Variants in SYNRG observed in about 807,000 individuals in gnomAD.
SYNRG encodes the protein AP1 gamma subunit binding protein 1.
Under a neutral mutation model 130.9 loss-of-function variants are expected in SYNRG, and 37 were observed. The observed-to-expected ratio is 0.28, with a 90% CI of 0.22 to 0.37. SYNRG has a LOEUF of 0.37. Among genes scored for constraint, SYNRG ranks in the 10% least tolerant of loss-of-function variants. The probability of loss-of-function intolerance (pLI) is 1.00; values close to 1 mark genes in which losing one functional copy is unlikely to be tolerated. For synonymous variants in SYNRG, 539 were observed against 568.1 expected, an observed-to-expected ratio of 0.95 and a Z score of 0.73; for missense variants, 1,338 against 1,588.9, an observed-to-expected ratio of 0.84 and a Z score of 2.68.
intron 18 of SYNRG, among the ~76,000 whole-genome samples, chr17:37,537,814 GA>G (rs1568305854): frequency 6.6e-6 from 1 of 152,186 alleles, no homozygotes; most frequent in Non-Finnish European, 1.5e-5. Context: ...GTAAAGATTT[GA>G]AAAAGATTAG....
At chr17:37,608,075 T>TA (rs1396945134) in intron 1 of SYNRG, among the ~76,000 whole-genome samples, 2 of 151,964 alleles carry the variant, frequency 1.3e-5, no homozygotes, top group Non-Finnish European at 2.9e-5. Context: ...ATTTATTTTT[T>TA]AAAAAACCCT....
chr17:37,525,018 C>T (rs894016910), intron 19 of SYNRG, among the ~76,000 whole-genome samples: 2 of 152,150 alleles, frequency 1.3e-5, no homozygotes, highest in African/African-American at 2.4e-5. Context: ...ATACTGTAAT[C>T]GCCAATGAAA....
chr17:37,609,374 C>G lies in SYNRG; in HGVS notation c.-19G>C. ...GCGCCATCTTGCTCCCGACCTGCCG[C>G]TGCCTTCGCCGCCGCCACCTTATCA... On this transcript the variant is annotated 5_prime_UTR_variant, in exon 1 of 22. Transcript: ENST00000612223. 7.1e-7 allele frequency: 1 copy of G among 1,411,678 alleles called. No individual in the cohort carries two copies. The highest frequency in any genetic ancestry group is 1.5e-5 in the South Asian group (1 of 68,100). 87.4% of individuals were successfully genotyped at this position (1,411,678 alleles called of 1,614,324 possible).
intron 11 of SYNRG, among the ~76,000 whole-genome samples, chr17:37,566,497 C>A (rs540745391): frequency 6.8e-6 from 1 of 146,710 alleles, no homozygotes; most frequent in South Asian, 2.3e-4. Context: ...ACAAACACTG[C>A]GGAAGGCCGC....
At chr17:37,609,185 AG>A in intron 1 of SYNRG, 93 bp downstream of exon 1, 1 of 1,261,542 alleles carries the variant, frequency 7.9e-7, no homozygotes. Context: ...TCCAAGGAAA[AG>A]GATCAGGGCT....
chr17:37,609,318 C>G lies in SYNRG; in HGVS notation c.38G>C (p.Gly13Ala). ...GGACCCCGCGCCAGCTCCCGCGGCC[C>G]CGCCGCCACCAGAACCAGCTCCTGG... ...LRPGAGSGGG[G>A]AAGAGAGSAG... The change falls in exon 1 of 22, where the codon GGG becomes GCG. Residue 13 changes from glycine (G) to alanine (A), a missense_variant. Coordinates refer to ENST00000612223, the MANE Select transcript of SYNRG (RefSeq NM_007247.6). The G allele has an allele frequency of 1.4e-6, 2 of 1,468,436 alleles. No individual in the cohort carries two copies. Among genetic ancestry groups the G allele is most frequent in the Non-Finnish European group, 1.8e-6 (2 of 1,116,452 alleles). 91.0% of individuals were successfully genotyped at this position (1,468,436 alleles called of 1,614,324 possible). A position where few individuals can be genotyped will look rare whatever the true frequency, so the allele number is the denominator to read the frequency against.
chr17:37,525,420 A>AT (rs2055718401), intron 19 of SYNRG, among the ~76,000 whole-genome samples: 1 of 152,248 alleles, frequency 6.6e-6, no homozygotes, highest in African/African-American at 2.4e-5. Context: ...TTTGGTAGTA[A>AT]TTAGTGTTCT....
At chr17:37,577,171 C>T (rs190493196) in intron 7 of SYNRG, among the ~76,000 whole-genome samples, 41 of 152,140 alleles carry the variant, frequency 2.7e-4, no homozygotes, top group Admixed American at 2.5e-3. Context: ...TTATCAAAAT[C>T]ATTTTTAAAA....
At chr17:37,540,982 A>C in intron 15 of SYNRG, 1 of 987,432 alleles carries the variant, frequency 1.0e-6, no homozygotes, top group Non-Finnish European at 1.2e-6. Flanking sequence ...TCACAAACAC[A>C]TTCCTCATTC....
intron 9 of SYNRG, 131 bp downstream of exon 9, chr17:37,571,660 G>T: frequency 1.3e-6 from 1 of 764,636 alleles, no homozygotes; most frequent in Non-Finnish European, 2.0e-6. Flanking sequence ...CTACATTTTT[G>T]AAGTACTATA....
chr17:37,599,509 C>T (rs781712323), intron 2 of SYNRG, among the ~76,000 whole-genome samples: 2 of 152,120 alleles, frequency 1.3e-5, no homozygotes, highest in African/African-American at 2.4e-5. Context: ...TCGCTTAAGC[C>T]GAGGAATTTG....
chr17:37,555,379 G>A (rs1238324489), intron 13 of SYNRG, among the ~76,000 whole-genome samples: 2 of 152,086 alleles, frequency 1.3e-5, no homozygotes, highest in African/African-American at 4.8e-5. Flanking sequence ...CACCTGCCTC[G>A]GCCTCCCAAA....
intron 13 of SYNRG, among the ~76,000 whole-genome samples, chr17:37,558,674 G>C (rs1219118820): frequency 1.3e-5 from 2 of 152,180 alleles, no homozygotes; most frequent in African/African-American, 4.8e-5. Flanking sequence ...ATCTTGTAAA[G>C]TGGTGATTGA....
In SYNRG at chr17:37,591,554, G is replaced by A. The variant is rs561765527; in HGVS notation, c.240+4669C>T. On this transcript the variant is annotated intron_variant, in intron 3 of 21. Transcript: ENST00000612223. ...GAATGTAGGAGGAATCAACCTTATCGTATAGCTACCGTCATGAAGACTGTG... is the reference window on the plus strand; with the variant it reads ...GAATGTAGGAGGAATCAACCTTATCATATAGCTACCGTCATGAAGACTGTG... Among the ~76,000 whole-genome samples the A allele has an allele frequency of 9.2e-5, 14 of 152,286 alleles. 1 individual carries two copies. In the East Asian group the frequency reaches 2.7e-3, roughly 29 times the overall value.
chr17:37,545,346 A>T (rs1598242993), intron 14 of SYNRG, among the ~76,000 whole-genome samples: 1 of 152,280 alleles, frequency 6.6e-6, no homozygotes, highest in South Asian at 2.1e-4. Context: ...CAGTAAGCCA[A>T]GATGGCACCA....
At chr17:37,607,814 G>A (rs1016262428) in intron 1 of SYNRG, among the ~76,000 whole-genome samples, 5 of 151,840 alleles carry the variant, frequency 3.3e-5, no homozygotes, top group African/African-American at 1.2e-4. Context: ...AAAATTAGCC[G>A]GGCATGGTGG....
At chr17:37,554,534 A>G (rs1353611516) in intron 13 of SYNRG, among the ~76,000 whole-genome samples, 1 of 152,244 alleles carries the variant, frequency 6.6e-6, no homozygotes, top group African/African-American at 2.4e-5. Context: ...TCCTACATCT[A>G]ATATTCAGGA....
rs772289294 is a variant in SYNRG, at chr17:37,542,505, G to A, written c.2669C>T (p.Thr890Ile). 15 of 1,613,208 alleles carry A rather than the reference G, an allele frequency of 9.3e-6. No homozygotes were observed. ...GSYSSNFAVS[T>I]LTSYDWSDRD... ...GTCTGACCAGTCATAGCTTGTAAGTGTGCTCACTGCAAAATTGCTACTGTA... is the reference window on the plus strand; with the variant it reads ...GTCTGACCAGTCATAGCTTGTAAGTATGCTCACTGCAAAATTGCTACTGTA... Residue 890 changes from threonine (T) to isoleucine (I), a missense_variant, in exon 15 of 22, where the codon ACA becomes ATA. Around this residue, in one of 3 missense-constraint regions of SYNRG, gnomAD observed 1,146 missense variants for 1,342.3 expected, o/e 0.85. Coordinates refer to ENST00000612223, the MANE Select transcript of SYNRG (RefSeq NM_007247.6).
At chr17:37,522,928 C>G (rs112626271) in intron 19 of SYNRG, among the ~76,000 whole-genome samples, 1 of 151,956 alleles carries the variant, frequency 6.6e-6, no homozygotes, top group Non-Finnish European at 1.5e-5. Flanking sequence ...TGTGAGCCAC[C>G]GTGCCTGGCC....
Sources: gnomAD v4.1 joint callset for allele counts (sites outside exome capture counted in the v4.1 genomes callset) on GRCh38, gnomAD v4.1.1 for gene constraint, gnomAD v4.1.1 regional missense constraint, MANE v1.5 for transcripts, NCBI Gene and HGNC (gene_info 2026-07-23, HGNC 2026-07-21) for gene names.